The following ZEB2 variants were observed in gnomAD, a reference collection of about 807,000 sequenced individuals.
The protein encoded by ZEB2 is zinc finger E-box binding homeobox 2.
ZEB2 carries 6 observed loss-of-function variants against 99.9 expected under a neutral mutation model. That is an observed-to-expected ratio of 0.06 (90% confidence interval 0.03 to 0.12). The LOEUF (loss-of-function observed/expected upper bound fraction) is 0.12. ZEB2 is among the 10% of genes least tolerant of loss of function. ZEB2 has a pLI of 1.00. For synonymous variants in ZEB2, 517 were observed against 542.5 expected (o/e 0.95, Z 0.65); for missense variants, 969 against 1,502.8 (o/e 0.64, Z 5.87).
intron 2 of ZEB2, among the ~76,000 whole-genome samples, chr2:144,452,098 C>T (rs1182743073): frequency 1.3e-5 from 2 of 152,156 alleles, no homozygotes; most frequent in East Asian, 1.9e-4. Flanking sequence ...CTCACTCGTA[C>T]TGTATCTTTG....
chr2:144,420,098 CA>C (rs1703599767), intron 4 of ZEB2, among the ~76,000 whole-genome samples: 1 of 152,194 alleles, frequency 6.6e-6, no homozygotes, highest in Non-Finnish European at 1.5e-5. Flanking sequence ...TTCATTGATT[CA>C]TTCATTCATT....
intron 2 of ZEB2, among the ~76,000 whole-genome samples, chr2:144,488,189 A>C (rs1410897330): frequency 1.3e-5 from 2 of 152,248 alleles, no homozygotes; most frequent in African/African-American, 4.8e-5. Flanking sequence ...TTGTTAGAGT[A>C]CATTTGCTTA....
At chr2:144,518,996 T>C (rs1298312039) in intron 1 of ZEB2, 1 of 152,150 alleles carries the variant, frequency 6.6e-6, no homozygotes, top group Non-Finnish European at 1.5e-5. Context: ...AGGGGGAGCA[T>C]GTAAAATATA....
intron 4 of ZEB2, among the ~76,000 whole-genome samples, chr2:144,405,864 T>A (rs1033958993): frequency 6.6e-6 from 1 of 152,252 alleles, no homozygotes; most frequent in Non-Finnish European, 1.5e-5. Flanking sequence ...AGATTTTGTA[T>A]ATTTGAAACC....
rs1703667582 is a variant in ZEB2 at position 144,424,720 on chromosome 2, A to G, written c.403+76T>C. The stretch of plus-strand genomic sequence containing the variant: ...TCATGGAGATACAAATGGATGTGTC[A>G]CTGTTTCCTTCCCTGCCTCACTAAA... On this transcript the variant is annotated intron_variant, in intron 4 of 9. Coordinates refer to ENST00000627532, the MANE Select transcript of ZEB2 (RefSeq NM_014795.4). 7.2e-6 allele frequency: 11 copies of G among 1,528,252 alleles called. No individual in the cohort carries two copies. In the South Asian group the frequency reaches 1.2e-4, roughly 17 times the overall value. The allele number at this position is 1,528,252 out of a possible 1,614,324, so 94.7% of individuals were successfully genotyped here.
chr2:144,453,779 A>G (rs1704084795), intron 2 of ZEB2, among the ~76,000 whole-genome samples: 1 of 152,220 alleles, frequency 6.6e-6, no homozygotes, highest in African/African-American at 2.4e-5. Flanking sequence ...TCAACAAAAA[A>G]CAAAAGAAGT....
In ZEB2 at chr2:144,419,464, C is replaced by G. The variant is rs1485124724; in HGVS notation, c.403+5332G>C. 3.3e-5 allele frequency among the ~76,000 whole-genome samples: 5 copies of G among 152,322 alleles called. No individual in the cohort carries two copies. In the East Asian group the frequency reaches 9.6e-4, roughly 29 times the overall value. The stretch of plus-strand genomic sequence containing the variant: ...TACTAGATTGTCTGAGTAAATATAA[C>G]TTTCACACATTCAAAGAGTAAAACA... On this transcript the variant is annotated intron_variant, in intron 4 of 9. Coordinates refer to ENST00000627532, the MANE Select transcript of ZEB2 (RefSeq NM_014795.4).
intron 9 of ZEB2, among the ~76,000 whole-genome samples, chr2:144,390,311 A>AT (rs1703139797): frequency 6.6e-6 from 1 of 152,226 alleles, no homozygotes; most frequent in South Asian, 2.1e-4. Context: ...TAATTGTCTC[A>AT]TTTTAAAACT....
chr2:144,496,603 G>A (rs753337172), intron 2 of ZEB2: 1 of 152,082 alleles, frequency 6.6e-6, no homozygotes, highest in Non-Finnish European at 1.5e-5. Context: ...TGTGTTGCTT[G>A]TAATTCTAGA....
chr2:144,422,986 T>A (rs1703640114), intron 4 of ZEB2, among the ~76,000 whole-genome samples: 1 of 152,192 alleles, frequency 6.6e-6, no homozygotes, highest in Admixed American at 6.5e-5. Flanking sequence ...TTCTACCACA[T>A]ATGCACACAG....
chr2:144,450,920 C>T (rs1045103306), intron 2 of ZEB2, among the ~76,000 whole-genome samples: 9 of 152,158 alleles, frequency 5.9e-5, no homozygotes, highest in Admixed American at 1.3e-4. Flanking sequence ...TCAGGTGATC[C>T]GCCTGCCTTG....
chr2:144,422,718 T>C (rs1310116947), intron 4 of ZEB2, among the ~76,000 whole-genome samples: 2 of 152,202 alleles, frequency 1.3e-5, no homozygotes, highest in Non-Finnish European at 2.9e-5. Flanking sequence ...GAGAATCGCT[T>C]GAACCTGGGA....
intron 2 of ZEB2, among the ~76,000 whole-genome samples, chr2:144,442,211 G>C (rs1462427842): frequency 6.6e-6 from 1 of 152,096 alleles, no homozygotes; most frequent in Non-Finnish European, 1.5e-5. Context: ...ATTTATTATG[G>C]TGGAAAATCA....
In ZEB2 at chr2:144,390,452, T is replaced by C. The variant is rs1703141253; in HGVS notation, c.3068-424A>G. 3.5e-5 allele frequency: 11 copies of C among 310,132 alleles called. 1 individual carries two copies. The highest frequency in any genetic ancestry group is 2.8e-4 in the South Asian group (10 of 35,906). The allele number at this position is 310,132 out of a possible 1,614,324, so 19.2% of individuals were successfully genotyped here. Reference sequence around the variant, plus strand: ...ATAAAGATGGCATCATCGCTGGCATTGGCATGTATATCCTCTGCTTGTTAT... The same window carrying C: ...ATAAAGATGGCATCATCGCTGGCATCGGCATGTATATCCTCTGCTTGTTAT... On this transcript the variant is annotated intron_variant, in intron 9 of 9. Coordinates refer to ENST00000627532, the MANE Select transcript of ZEB2 (RefSeq NM_014795.4).
intron 2 of ZEB2, among the ~76,000 whole-genome samples, chr2:144,449,024 G>C (rs955919303): frequency 3.9e-5 from 6 of 152,152 alleles, no homozygotes; most frequent in African/African-American, 1.4e-4. Context: ...GCAAATGAAC[G>C]TCCGTGCCTT....
intron 2 of ZEB2, among the ~76,000 whole-genome samples, chr2:144,515,611 C>G (rs1248292266): frequency 6.6e-6 from 1 of 151,828 alleles, no homozygotes; most frequent in African/African-American, 2.4e-5. Context: ...TATTATTGTA[C>G]TTGTTTTTCT....
intron 2 of ZEB2, chr2:144,497,608 T>C (rs2149922748): frequency 6.0e-6 from 1 of 165,542 alleles, no homozygotes; most frequent in East Asian, 1.9e-4. Context: ...TTCATGAATC[T>C]GATAACAGCT....
chr2:144,403,725 G>C (rs1398992452), intron 6 of ZEB2, among the ~76,000 whole-genome samples, 191 bp downstream of exon 6: 1 of 152,080 alleles, frequency 6.6e-6, no homozygotes, highest in African/African-American at 2.4e-5. Context: ...ATTCGATCGT[G>C]AACATAAGAC....
chr2:144,409,913 GTTTT>G (rs530632750), intron 4 of ZEB2, among the ~76,000 whole-genome samples: 1 of 133,412 alleles, frequency 7.5e-6, no homozygotes. Flanking sequence ...AAAAGTTGTT[GTTTT>G]TTTTTTTTTT....
Sources: gnomAD v4.1 joint callset for allele counts (sites outside exome capture counted in the v4.1 genomes callset) on GRCh38, gnomAD v4.1.1 for gene constraint, MANE v1.5 for transcripts, NCBI Gene and HGNC (gene_info 2026-07-23, HGNC 2026-07-21) for gene names.